CIC: variants seen among roughly 807,000 people sequenced by gnomAD.
CIC encodes the protein capicua transcriptional repressor.
Under a neutral mutation model 115.7 loss-of-function variants are expected in CIC, and 18 were observed. The ratio of observed to expected loss-of-function variants is 0.16; its 90% CI spans 0.11 to 0.23. The LOEUF (loss-of-function observed/expected upper bound fraction) is 0.23, where lower values mean the gene tolerates loss of function less well. CIC is among the 10% of genes least tolerant of loss of function. The pLI is 1.00. For synonymous variants in CIC, 1,076 were observed against 923.0 expected (o/e 1.17, Z -3.01); for missense variants, 2,000 against 2,159.3 (o/e 0.93, Z 1.46).
At chr19:42,277,258 C>T (rs2037017983) in intron 2 of CIC, among the ~76,000 whole-genome samples, 1 of 152,162 alleles carries the variant, frequency 6.6e-6, no homozygotes, top group South Asian at 2.1e-4. Context: ...GAGACAGAGT[C>T]TGGCTCTGTC....
chr19:42,284,567 C>CGG (rs531450546), intron 2 of CIC: 85 of 132,200 alleles, frequency 6.4e-4, no homozygotes, highest in South Asian at 3.2e-3. Context: ...AGGGGGGCGG[C>CGG]GGGGGGGGGG....
rs2037879463 is a variant in CIC, at chr19:42,289,109, C to T, written c.3861+19C>T. 6.2e-7 allele frequency: 1 copy of T among 1,613,394 alleles called. No individual in the cohort carries two copies. The highest frequency in any genetic ancestry group is 8.5e-7 in the Non-Finnish European group (1 of 1,180,004). ...GACGCAGGTCTAGGGTGCAGGCCCC[C>T]TAGTGGGGGTGGGCAGGGAACCTGT... is the stretch of plus-strand genomic sequence containing the variant. On this transcript the variant is annotated intron_variant, in intron 8 of 20. Transcript: ENST00000681038.
Position 42,294,274 on chromosome 19 carries a change from G to A in CIC, c.7024G>A (p.Glu2342Lys), listed in dbSNP as rs2147344801. 6.2e-7 allele frequency: 1 copy of A among 1,613,586 alleles called. No homozygotes were observed. The highest frequency in any genetic ancestry group is 8.5e-7 in the Non-Finnish European group (1 of 1,180,042). Residue 2342 changes from glutamate (E) to lysine (K), a missense_variant, in exon 19 of 21, where the codon GAG becomes AAG. By Grantham distance (56) the Glu-to-Lys change is moderately conservative. This residue lies in a region of CIC where 99 missense variants were observed against 217.6 expected (regional missense o/e 0.45). Transcript: ENST00000681038. ...EPNTPKSAKC[E>K]GDIFTFDRTG... ...CAACACCCCCAAGAGTGCCAAGTGC[G>A]AGGGGGACATCTTCACCTTTGACCG... is the stretch of plus-strand genomic sequence containing the variant.
At chr19:42,281,780 C>G (rs916231868) in intron 2 of CIC, among the ~76,000 whole-genome samples, 5 of 152,218 alleles carry the variant, frequency 3.3e-5, no homozygotes, top group Non-Finnish European at 2.9e-5. Context: ...CTGCCCCGGA[C>G]GGGGCCTCTT....
In CIC at chr19:42,273,043, G is replaced by A; in HGVS notation, c.1260G>A (p.Gln420=). ...TPALLPLPPP[Q]LLSPPPKSPA... is the part of the protein sequence containing the mutation. ...CCCTGCTCCCACTGCCCCCACCCCAGCTCCTGTCACCACCACCCAAGTCTC... is the reference window on the plus strand; with the variant it reads ...CCCTGCTCCCACTGCCCCCACCCCAACTCCTGTCACCACCACCCAAGTCTC... Residue 420 remains glutamine, a synonymous_variant, in exon 2 of 21, where the codon CAG becomes CAA. Transcript: ENST00000681038. The A allele has an allele frequency of 2.5e-6, 1 of 399,250 alleles. No individual in the cohort carries two copies. The highest frequency in any genetic ancestry group is 4.4e-6 in the Non-Finnish European group (1 of 226,470). The allele number at this position is 399,250 out of a possible 1,614,324, so 24.7% of individuals were successfully genotyped here.
rs1482077690 is a variant in CIC, at chr19:42,294,635, A to G, written c.7086A>G (p.Leu2362=). The part of the protein sequence containing the change: ...GTEAEDVLGE[L]EYDKVPYSSL... ...AAGCCGAGGACGTGCTTGGGGAGCTAGAGTATGACAAGGTGCCATACTCCT... is the reference window on the plus strand; with the variant it reads ...AAGCCGAGGACGTGCTTGGGGAGCTGGAGTATGACAAGGTGCCATACTCCT... The change falls in exon 20 of 21, where the codon CTA becomes CTG. Residue 2362 remains leucine, a synonymous_variant. Coordinates refer to ENST00000681038, the MANE Select transcript of CIC (RefSeq NM_001386298.1). The G allele has an allele frequency of 2.5e-6, 4 of 1,613,592 alleles. No homozygotes were observed. In the South Asian group the frequency reaches 3.3e-5, roughly 13 times the overall value.
rs1406086881 is a variant in CIC at position 42,289,082 on chromosome 19, C to G, written c.3853C>G (p.Leu1285Val). The change falls in exon 8 of 21, where the codon CTG becomes GTG. Residue 1285 changes from leucine to valine, a missense_variant. Leu to Val is a conservative substitution (Grantham distance 32). Transcript: ENST00000681038. ...AGTAGACAGTCAGGCGCTACAGGAACTGACGCAGGTCTAGGGTGCAGGCCC... is the reference window on the plus strand; with the variant it reads ...AGTAGACAGTCAGGCGCTACAGGAAGTGACGCAGGTCTAGGGTGCAGGCCC... ...GEVDSQALQE[L>V]TQMVSGPASY... is the part of the protein sequence containing the mutation. The G allele has an allele frequency of 6.2e-7, 1 of 1,613,624 alleles. No individual in the cohort carries two copies. Among genetic ancestry groups the G allele is most frequent in the Non-Finnish European group, 8.5e-7 (1 of 1,180,042 alleles).
At chr19:42,278,627 C>T (rs946716680) in intron 2 of CIC, among the ~76,000 whole-genome samples, 25 of 152,154 alleles carry the variant, frequency 1.6e-4, no homozygotes, top group African/African-American at 4.6e-4. Context: ...CTTTGGCCCT[C>T]CTACTCCCAC....
Position 42,295,153 on chromosome 19 carries a change from C to T in CIC, c.7516C>T (p.Pro2506Ser), listed in dbSNP as rs1162573745. ...GGAGGGGGCTCCCCAGCCCTCCCCC[C>T]CACCCCCAGGTCCCTCCACAGCTGC... Reference protein sequence around the residue: ...GWEGAPQPSPPPPGPSTAATG... With the variant: ...GWEGAPQPSPSPPGPSTAATG... The change falls in exon 21 of 21, where the codon CCA (proline) becomes TCA (serine). Residue 2506 changes from proline (P) to serine (S), a missense_variant. Pro to Ser is a moderately conservative substitution (Grantham distance 74, BLOSUM62 -1). Coordinates refer to ENST00000681038, the MANE Select transcript of CIC (RefSeq NM_001386298.1). The T allele has an allele frequency of 6.8e-7, 1 of 1,462,812 alleles. No homozygotes were observed. The highest frequency in any genetic ancestry group is 1.4e-5 in the South Asian group (1 of 73,236). 90.6% of individuals were successfully genotyped at this position (1,462,812 alleles called of 1,614,324 possible).
At chr19:42,277,092 A>G (rs1159089191) in intron 2 of CIC, among the ~76,000 whole-genome samples, 3 of 152,194 alleles carry the variant, frequency 2.0e-5, no homozygotes, top group Admixed American at 2.0e-4. Flanking sequence ...GCACACTTCA[A>G]TGAGTCCTGC....
chr19:42,294,393 TGGGTCCATCCAG>T, intron 19 of CIC, 89 bp downstream of exon 19: 2 of 1,591,054 alleles, frequency 1.3e-6, no homozygotes, highest in Non-Finnish European at 1.7e-6. Context: ...AGAGGTAGGG[TGGGTCCATCCAG>T]GCTGGGAGGA....
In CIC at chr19:42,292,764, G is replaced by A. The variant is rs2147311552; in HGVS notation, c.6101G>A (p.Ser2034Asn). Reference protein sequence around the residue: ...PPSLVYTVATSTTPPAATILP... With the variant: ...PPSLVYTVATNTTPPAATILP... ...AGCCTGGTCTACACTGTGGCCACCA[G>A]CACAACCCCACCTGCAGCCACCATT... The change falls in exon 15 of 21, where the codon AGC (serine) becomes AAC (asparagine). Residue 2034 changes from serine to asparagine, a missense_variant. Physicochemically the swap from Ser to Asn is conservative, Grantham distance 46. Around this residue, in one of 8 missense-constraint regions of CIC, gnomAD observed 1,466 missense variants for 1,390.4 expected, o/e 1.05. Transcript: ENST00000681038. 1 of 1,613,542 alleles carries A rather than the reference G, an allele frequency of 6.2e-7. No homozygotes were observed. The highest frequency in any genetic ancestry group is 1.1e-5 in the South Asian group (1 of 91,070).
chr19:42,268,767 C>T (rs1176738828), upstream of CIC, among the ~76,000 whole-genome samples: 1 of 152,236 alleles, frequency 6.6e-6, no homozygotes, highest in Non-Finnish European at 1.5e-5. Context: ...CGTGAGAAGA[C>T]TACGGTTCCC....
intron 11 of CIC, 42 bp from the exon 12 acceptor site, chr19:42,291,516 G>C (rs1208359200): frequency 6.2e-7 from 1 of 1,613,116 alleles, no homozygotes; most frequent in Admixed American, 1.7e-5. Context: ...GTCCTGTTTG[G>C]CTCCCTTGTA....
At position 42,289,350 on chromosome 19, in the gene CIC, C is replaced by T. The variant is rs755293924; in HGVS notation, c.4031C>T (p.Thr1344Met). 30 of 1,613,386 alleles carry T rather than the reference C, an allele frequency of 1.9e-5. No individual in the cohort carries two copies. Among genetic ancestry groups the T allele is most frequent in the South Asian group, 4.4e-5 (4 of 91,044 alleles). The part of the protein sequence containing the change: ...RSQRAASEDM[T>M]SDEERMVICE... ...CAGCGTGCGGCCAGTGAGGACATGA[C>T]GAGTGATGAGGAGCGCATGGTCATC... is the stretch of plus-strand genomic sequence containing the variant. Residue 1344 changes from threonine (T) to methionine (M), a missense_variant, in exon 9 of 21, where the codon ACG (threonine) becomes ATG (methionine). This residue lies in a region of CIC where 1,466 missense variants were observed against 1,390.4 expected (regional missense o/e 1.05). Coordinates refer to ENST00000681038, the MANE Select transcript of CIC (RefSeq NM_001386298.1).
intron 1 of CIC, among the ~76,000 whole-genome samples, chr19:42,269,900 G>T (rs2036709937): frequency 6.6e-6 from 1 of 152,040 alleles, no homozygotes; most frequent in African/African-American, 2.4e-5. Flanking sequence ...AAGAGCCAGG[G>T]CCTGGGCTGG....
At chr19:42,279,364 G>A (rs2037118465) in intron 2 of CIC, among the ~76,000 whole-genome samples, 2 of 152,252 alleles carry the variant, frequency 1.3e-5, no homozygotes, top group Non-Finnish European at 2.9e-5. Flanking sequence ...GCAAGGATGA[G>A]CCCAGGGAGG....
At chr19:42,283,565 G>C (rs914339468) in intron 2 of CIC, among the ~76,000 whole-genome samples, 5 of 152,156 alleles carry the variant, frequency 3.3e-5, no homozygotes, top group African/African-American at 1.2e-4. Flanking sequence ...TGTGAGGAGT[G>C]TGAGTGTGAG....
chr19:42,292,007 C>G, intron 12 of CIC, 79 bp from the exon 13 acceptor site: 9 of 1,598,196 alleles, frequency 5.6e-6, no homozygotes, highest in Non-Finnish European at 7.7e-6. Flanking sequence ...TGCTTAGAGT[C>G]CCACTTGAGG....
Sources: gnomAD v4.1 joint callset for allele counts (sites outside exome capture counted in the v4.1 genomes callset) on GRCh38, gnomAD v4.1.1 for gene constraint, gnomAD v4.1.1 regional missense constraint, MANE v1.5 for transcripts, NCBI Gene and HGNC (gene_info 2026-07-23, HGNC 2026-07-21) for gene names.